The following CRB1 variants were observed in gnomAD, a reference collection of about 807,000 sequenced individuals.
The protein encoded by CRB1 is crumbs cell polarity complex component 1, also known as protein crumbs homolog 1.
A neutral mutation model predicts 120.0 loss-of-function variants in CRB1; 83 were observed. The observed-to-expected ratio is 0.69, with a 90% CI of 0.58 to 0.83. The LOEUF is 0.83. Ranked by LOEUF, CRB1 falls within the 40% of genes least tolerant of loss-of-function variation. The pLI is 0.00. For synonymous variants in CRB1, 625 were observed against 612.5 expected (o/e 1.02, Z -0.30); for missense variants, 1,699 against 1,687.6 (o/e 1.01, Z -0.12).
intron 5 of CRB1, among the ~76,000 whole-genome samples, chr1:197,418,951 A>C (rs1664146194): frequency 6.6e-6 from 1 of 152,202 alleles, no homozygotes; most frequent in South Asian, 2.1e-4. Flanking sequence ...AGTCTCTCTC[A>C]ATGACTACAG....
chr1:197,380,446 T>C (rs1661891746), intron 5 of CRB1, among the ~76,000 whole-genome samples: 1 of 152,188 alleles, frequency 6.6e-6, no homozygotes, highest in African/African-American at 2.4e-5. Context: ...TTAAGAAGAA[T>C]CTAGATTTAT....
chr1:197,380,541 C>T (rs1661899332), intron 5 of CRB1, among the ~76,000 whole-genome samples: 2 of 152,136 alleles, frequency 1.3e-5, no homozygotes, highest in Non-Finnish European at 2.9e-5. Context: ...AAGATTTGAA[C>T]AGCTTACACA....
chr1:197,436,732 C>T (rs957326064), intron 9 of CRB1, among the ~76,000 whole-genome samples: 1 of 152,086 alleles, frequency 6.6e-6, no homozygotes, highest in African/African-American at 2.4e-5. Context: ...TGGCTCACTA[C>T]AGATAAACTA....
In CRB1 at chr1:197,463,359, CA is replaced by C. The variant is rs1178115787; in HGVS notation, c.4006-14297del. On this transcript the variant is annotated intron_variant, in intron 11 of 11. Coordinates refer to ENST00000367400, the MANE Select transcript of CRB1 (RefSeq NM_201253.3). ...TGTAGTTATTCTCACATGCAAAGTC[CA>C]AAAAAAACAAAACACACACACACTA... is the stretch of plus-strand genomic sequence containing the variant. Among the ~76,000 whole-genome samples, 3 of 151,284 alleles carry C rather than the reference CA, an allele frequency of 2.0e-5. No individual in the cohort carries two copies. In the East Asian group the frequency reaches 5.8e-4, roughly 29 times the overall value.
At chr1:197,346,336 T>C (rs536234135) in intron 3 of CRB1, among the ~76,000 whole-genome samples, 3 of 151,424 alleles carry the variant, frequency 2.0e-5, no homozygotes, top group Admixed American at 2.0e-4. Flanking sequence ...ATTATGCAAA[T>C]GGAGCTTCTA....
intron 1 of CRB1, among the ~76,000 whole-genome samples, chr1:197,320,729 A>T (rs1658141048): frequency 6.6e-6 from 1 of 152,234 alleles, no homozygotes; most frequent in Non-Finnish European, 1.5e-5. Context: ...CTATAGGTAT[A>T]TACAATGTTG....
At chr1:197,328,340 G>C (rs2125303322) in intron 1 of CRB1, 82 bp from the exon 2 acceptor site, 1 of 1,128,912 alleles carries the variant, frequency 8.9e-7, no homozygotes, top group Non-Finnish European at 1.3e-6. Flanking sequence ...TTTGGTTGAG[G>C]CAGCACAAAG....
the CRB1 span, among the ~76,000 whole-genome samples, chr1:197,218,526 A>G: frequency 2.0e-5 from 3 of 152,218 alleles, no homozygotes; most frequent in Non-Finnish European, 4.4e-5. Context: ...CATAGGCCCT[A>G]TTGATGACCT....
At chr1:197,239,722 T>G in the CRB1 span, among the ~76,000 whole-genome samples, 1 of 151,452 alleles carries the variant, frequency 6.6e-6, no homozygotes, top group Non-Finnish European at 1.5e-5. Context: ...GTAGTTTTTT[T>G]TTTGTTTTCT....
chr1:197,329,543 AT>A (rs1658732213), intron 2 of CRB1, among the ~76,000 whole-genome samples: 1 of 152,304 alleles, frequency 6.6e-6, no homozygotes, highest in Non-Finnish European at 1.5e-5. Flanking sequence ...TGTACCTCAT[AT>A]TTATCTATCT....
intron 11 of CRB1, among the ~76,000 whole-genome samples, chr1:197,457,406 C>G (rs1438948911): frequency 1.3e-5 from 2 of 152,106 alleles, no homozygotes; most frequent in African/African-American, 4.8e-5. Context: ...CCAAGGCTCT[C>G]CAATTCAGAA....
At chr1:197,350,150 T>C (rs1571882885) in intron 4 of CRB1, among the ~76,000 whole-genome samples, 1 of 150,586 alleles carries the variant, frequency 6.6e-6, no homozygotes, top group Admixed American at 6.6e-5. Context: ...AACTATGTAG[T>C]TTCATGTTCT....
chr1:197,240,378 C>G, the CRB1 span, among the ~76,000 whole-genome samples: 1 of 152,232 alleles, frequency 6.6e-6, no homozygotes, highest in South Asian at 2.1e-4. Context: ...TGCCCCCACC[C>G]TTTGACAGGC....
chr1:197,331,635 C>G (rs1658861130), intron 2 of CRB1, among the ~76,000 whole-genome samples: 1 of 152,038 alleles, frequency 6.6e-6, no homozygotes, highest in African/African-American at 2.4e-5. Flanking sequence ...AAAATCAATA[C>G]AGTTCATTAA....
chr1:197,444,442 T>C (rs1402344118), intron 11 of CRB1: 1 of 152,202 alleles, frequency 6.6e-6, no homozygotes, highest in Non-Finnish European at 1.5e-5. Context: ...AACCTTCCCA[T>C]CAATATTTAC....
chr1:197,348,080 A>G (rs141777612), intron 4 of CRB1, among the ~76,000 whole-genome samples: 20 of 152,360 alleles, frequency 1.3e-4, no homozygotes, highest in African/African-American at 4.6e-4. Context: ...ACAGCTTTGC[A>G]TTGCATAACA....
At chr1:197,387,740 G>T (rs1375938120) in intron 5 of CRB1, among the ~76,000 whole-genome samples, 1 of 151,664 alleles carries the variant, frequency 6.6e-6, no homozygotes, top group Non-Finnish European at 1.5e-5. Context: ...GAGCCTTCTA[G>T]TTATTTTTTA....
At chr1:197,439,495 C>T (rs1189805452) in intron 10 of CRB1, 2 of 152,164 alleles carry the variant, frequency 1.3e-5, no homozygotes, top group African/African-American at 4.8e-5. Flanking sequence ...TATAAAGGGC[C>T]TATCCACACG....
chr1:197,342,841 T>C (rs2821126), intron 2 of CRB1, among the ~76,000 whole-genome samples: 35,350 of 152,072 alleles, frequency 0.23, 7,918 homozygotes, highest in African/African-American at 0.59. Context: ...TTAGTAGTGA[T>C]AGAGCAGAGC....
Sources: allele counts gnomAD v4.1 joint callset (sites outside exome capture counted in the v4.1 genomes callset), GRCh38; gene constraint gnomAD v4.1.1; transcripts MANE v1.5; gene names NCBI Gene and HGNC (gene_info 2026-07-23, HGNC 2026-07-21).